The following CFAP47 variants were observed in gnomAD, a reference collection of about 807,000 sequenced individuals.
The protein encoded by CFAP47 is cilia- and flagella-associated protein 47.
A neutral mutation model predicts 148.1 loss-of-function variants in CFAP47; 29 were observed. That is an observed-to-expected ratio of 0.20 (90% CI 0.15 to 0.27). CFAP47 has a LOEUF of 0.27. Ranked by LOEUF, CFAP47 falls within the 10% of genes least tolerant of loss-of-function variation. The pLI, the probability that CFAP47 is intolerant of heterozygous loss-of-function variation, is 1.00. For synonymous variants in CFAP47, 664 were observed against 577.3 expected (o/e 1.15, Z -2.15); for missense variants, 1,872 against 1,697.5 (o/e 1.10, Z -1.81).
At chrX:35,988,283 CT>C (rs202215793) in intron 15 of CFAP47, among the ~76,000 whole-genome samples, 1,833 of 111,856 alleles carry the variant, frequency 0.016, 35 homozygotes, top group African/African-American at 0.057. Context: ...TGAAGCAGGA[CT>C]TTTTGTTATT....
chrX:36,357,705 C>T (rs1474672285), intron 60 of CFAP47, among the ~76,000 whole-genome samples: 2 of 111,427 alleles, frequency 1.8e-5, no homozygotes, highest in Non-Finnish European at 3.8e-5. Flanking sequence ...ACAAATTACT[C>T]TGTGGGCAAG....
At chrX:36,384,640 A>AT (rs1447740467) in intron 63 of CFAP47, among the ~76,000 whole-genome samples, 157 bp from the exon 64 acceptor site, 1 of 111,867 alleles carries the variant, frequency 8.9e-6, no homozygotes, top group Non-Finnish European at 1.9e-5. Context: ...TACTTTCTTT[A>AT]TTTTCCACAT....
chrX:36,126,902 G>C (rs1287399149), intron 33 of CFAP47, among the ~76,000 whole-genome samples: 7 of 112,298 alleles, frequency 6.2e-5, no homozygotes, highest in African/African-American at 2.3e-4. Context: ...CTTCTTTTGA[G>C]AAATGTCTGT....
chrX:36,150,941 T>C (rs1433209935), intron 37 of CFAP47, among the ~76,000 whole-genome samples: 5 of 112,153 alleles, frequency 4.5e-5, no homozygotes, highest in African/African-American at 1.6e-4. Context: ...CACAAGTTCA[T>C]TTGGACATTG....
intron 62 of CFAP47, among the ~76,000 whole-genome samples, chrX:36,372,738 A>C (rs1941984285): frequency 8.9e-6 from 1 of 112,260 alleles, no homozygotes; most frequent in African/African-American, 3.2e-5. Flanking sequence ...TTCATCATTG[A>C]CCAAAATATA....
At chrX:36,271,514 A>G (rs1439871019) in intron 49 of CFAP47, among the ~76,000 whole-genome samples, 1 of 111,893 alleles carries the variant, frequency 8.9e-6, no homozygotes, top group East Asian at 2.8e-4. Context: ...ATTAATGTGC[A>G]GTATCTGAGC....
In CFAP47 at chrX:36,371,814, G is replaced by A. The variant is rs1331462511; in HGVS notation, c.9185+4687G>A. On this transcript the variant is annotated intron_variant, in intron 62 of 63. Coordinates refer to ENST00000378653, the MANE Select transcript of CFAP47 (RefSeq NM_001304548.2). ...TGTGTATATACACACATGTATATAT[G>A]TGTGCATATACACACATGTGTGTAT... Among the ~76,000 whole-genome samples the A allele has an allele frequency of 2.9e-4, 19 of 66,190 alleles. 1 individual carries two copies. The highest frequency in any genetic ancestry group is 4.5e-4 in the Non-Finnish European group (17 of 38,126). The allele number at this position is 66,190 out of a possible 115,157, so 57.5% of individuals were successfully genotyped here.
rs759919729 is a variant in CFAP47, at chrX:36,071,856, T to C, written c.4350T>C (p.Asp1450=). The stretch of plus-strand genomic sequence containing the variant: ...ATGAATATCTTAAGAAGACTAGAGA[T>C]GGTGTTTTGCCTCCCTACCAGGATG... ...DKDEYLKKTR[D]GVLPPYQDAK... is the part of the protein sequence containing the mutation. The change falls in exon 28 of 64, where the codon GAT becomes GAC. Residue 1450 remains aspartate (D), a synonymous_variant. Transcript: ENST00000378653. The C allele has an allele frequency of 2.5e-6, 3 of 1,206,843 alleles. No individual in the cohort carries two copies. The highest frequency in any genetic ancestry group is 2.2e-6 in the Non-Finnish European group (2 of 891,955).
At position 35,947,838 on chromosome X, in the gene CFAP47, T is replaced by G. The variant is rs143876522; in HGVS notation, c.518-476T>G. Among the ~76,000 whole-genome samples, 638 of 111,976 alleles carry G rather than the reference T, an allele frequency of 5.7e-3. 6 individuals are homozygous for G. The highest frequency in any genetic ancestry group is 0.019 in the African/African-American group (583 of 30,821). ...GATTATTTACGGAAATTAAATAACCTATGCAGAGCTCTTAACATAAGTGTC... is the reference window on the plus strand; with the variant it reads ...GATTATTTACGGAAATTAAATAACCGATGCAGAGCTCTTAACATAAGTGTC... On this transcript the variant is annotated intron_variant, in intron 3 of 63. Coordinates refer to ENST00000378653, the MANE Select transcript of CFAP47 (RefSeq NM_001304548.2).
chrX:36,270,612 A>G (rs1940947656), intron 49 of CFAP47, among the ~76,000 whole-genome samples: 1 of 103,560 alleles, frequency 9.7e-6, no homozygotes, highest in African/African-American at 3.5e-5. Context: ...TCTAGTATGT[A>G]TATATTATAT....
intron 28 of CFAP47, among the ~76,000 whole-genome samples, chrX:36,072,438 A>C (rs1212221209): frequency 1.8e-5 from 2 of 112,138 alleles, no homozygotes; most frequent in Non-Finnish European, 3.8e-5. Context: ...ACTGTAGCCA[A>C]GGTTTCCTGT....
At chrX:36,264,325 T>C (rs1472836398) in intron 49 of CFAP47, among the ~76,000 whole-genome samples, 4 of 111,473 alleles carry the variant, frequency 3.6e-5, no homozygotes, top group Non-Finnish European at 5.7e-5. Context: ...ATCTAGGGTT[T>C]GCTTAATGAC....
At chrX:35,994,801 A>G (rs988628963) in intron 18 of CFAP47, among the ~76,000 whole-genome samples, 2 of 111,463 alleles carry the variant, frequency 1.8e-5, no homozygotes, top group East Asian at 2.8e-4. Context: ...ACATTATAGT[A>G]TAATGAGACT....
rs1936860234 is a variant in CFAP47 at position 35,997,330 on chromosome X, A to G, written c.3118A>G (p.Asn1040Asp). 3.4e-6 allele frequency: 1 copy of G among 293,719 alleles called. No homozygotes were observed. Among genetic ancestry groups the G allele is most frequent in the Non-Finnish European group, 5.9e-6 (1 of 168,513 alleles). The allele number at this position is 293,719 out of a possible 1,213,427, so 24.2% of individuals were successfully genotyped here. The change falls in exon 19 of 64, where the codon AAT becomes GAT. Residue 1040 changes from asparagine to aspartate, a missense_variant. Physicochemically the swap from Asn to Asp is conservative, Grantham distance 23. Transcript: ENST00000378653. Reference sequence around the variant, plus strand: ...AAATAAGGTTTCTATTCGTCATGCGAATGTTATAGACCTTAGGATTGGTGG... The same window carrying G: ...AAATAAGGTTTCTATTCGTCATGCGGATGTTATAGACCTTAGGATTGGTGG... ...TRAKVSIRHA[N>D]VIDLRIGGSA...
intron 42 of CFAP47, among the ~76,000 whole-genome samples, chrX:36,196,113 G>A (rs1455920753): frequency 9.0e-6 from 1 of 111,352 alleles, no homozygotes; most frequent in African/African-American, 3.3e-5. Context: ...CTTTTCATGA[G>A]TCTTCTCACC....
At chrX:36,115,251 T>C (rs540354667) in intron 33 of CFAP47, among the ~76,000 whole-genome samples, 28 of 111,824 alleles carry the variant, frequency 2.5e-4, no homozygotes, top group African/African-American at 9.1e-4. Context: ...AAGTCCTTTA[T>C]TGCAGAGGTT....
chrX:35,988,125 A>G (rs4511012), intron 15 of CFAP47, among the ~76,000 whole-genome samples: 27,921 of 110,704 alleles, frequency 0.25, 4,833 homozygotes, highest in African/African-American at 0.61. Flanking sequence ...TTACATTGAG[A>G]AAGGCCACAT....
intron 33 of CFAP47, among the ~76,000 whole-genome samples, chrX:36,128,121 C>T (rs911795120): frequency 3.6e-5 from 4 of 110,994 alleles, no homozygotes; most frequent in Non-Finnish European, 7.6e-5. Context: ...CCAGAACTTC[C>T]AATACTATGT....
intron 49 of CFAP47, among the ~76,000 whole-genome samples, chrX:36,260,928 G>C (rs1402996663): frequency 9.0e-6 from 1 of 110,958 alleles, no homozygotes; most frequent in Non-Finnish European, 1.9e-5. Flanking sequence ...CATATGGCTA[G>C]ACAATTACCC....
Sources: gnomAD v4.1 joint callset for allele counts (sites outside exome capture counted in the v4.1 genomes callset) on GRCh38, gnomAD v4.1.1 for gene constraint, MANE v1.5 for transcripts, NCBI Gene and HGNC (gene_info 2026-07-23, HGNC 2026-07-21) for gene names.